The following ST14 variants were observed in gnomAD, a reference collection of about 807,000 sequenced individuals.
ST14 encodes the protein ST14 transmembrane serine protease matriptase, also known as suppressor of tumorigenicity 14 protein.
Under a neutral mutation model 96.5 loss-of-function variants are expected in ST14, and 40 were observed. That is an observed-to-expected ratio of 0.41 (90% confidence interval 0.32 to 0.54). The LOEUF (loss-of-function observed/expected upper bound fraction) is 0.54, where lower values mean the gene tolerates loss of function less well. Ranked by LOEUF, ST14 falls within the 20% of genes least tolerant of loss-of-function variation. ST14 has a pLI of 0.17. For missense variants in ST14, 1,066 were observed against 1,188.9 expected (o/e 0.90, Z 1.52); for synonymous variants, 506 against 492.1 (o/e 1.03, Z -0.37).
chr11:130,172,633 G>T (rs1288016421), intron 1 of ST14, among the ~76,000 whole-genome samples: 2 of 151,524 alleles, frequency 1.3e-5, no homozygotes, highest in African/African-American at 4.9e-5. Context: ...TAGCCAGGAT[G>T]GTCTTGATCT....
At chr11:130,206,535 CTCTT>C (rs939786729) in intron 16 of ST14, among the ~76,000 whole-genome samples, 32 of 151,678 alleles carry the variant, frequency 2.1e-4, no homozygotes, top group Middle Eastern at 3.4e-3. Context: ...GGGCTGCTCA[CTCTT>C]TCTTTCTTTC....
At chr11:130,201,546 G>A (rs1163948788) in intron 16 of ST14, among the ~76,000 whole-genome samples, 1 of 152,246 alleles carries the variant, frequency 6.6e-6, no homozygotes, top group Admixed American at 6.5e-5. Context: ...CCAGTTCCAT[G>A]GTCCCCAGCT....
At chr11:130,189,087 C>A (rs76324020) in intron 4 of ST14, 148 bp downstream of exon 4, 1 of 856,870 alleles carries the variant, frequency 1.2e-6, no homozygotes, top group Non-Finnish European at 1.9e-6. Context: ...TCCTCCTGTG[C>A]GTTACTTGGC....
intron 1 of ST14, among the ~76,000 whole-genome samples, chr11:130,183,894 AG>A (rs1953215619): frequency 1.3e-5 from 2 of 152,354 alleles, no homozygotes; most frequent in East Asian, 3.9e-4. Context: ...GTCCATCAAT[AG>A]GTGAACAGGT....
intron 7 of ST14, 31 bp from the exon 8 acceptor site, chr11:130,194,118 T>G: frequency 6.2e-7 from 1 of 1,614,158 alleles, no homozygotes; most frequent in Non-Finnish European, 8.5e-7. Flanking sequence ...TTCTGTCTGC[T>G]CTTCCTAATG....
At position 130,208,673 on chromosome 11, in the gene ST14, C is replaced by T. The variant is rs746546035; in HGVS notation, c.2258C>T (p.Thr753Ile). 2 of 1,613,426 alleles carry T rather than the reference C, an allele frequency of 1.2e-6. No homozygotes were observed. The highest frequency in any genetic ancestry group is 1.7e-6 in the Non-Finnish European group (2 of 1,179,678). Residue 753 changes from threonine (T) to isoleucine (I), a missense_variant, in exon 17 of 19, where the codon ACC (threonine) becomes ATC (isoleucine). Transcript: ENST00000278742. ...ATCTGGGTCACGGGCTGGGGACACA[C>T]CCAGTATGGAGGTAAGCTTCGGGCT... Reference protein sequence around the residue: ...KAIWVTGWGHTQYGGTGALIL... With the variant: ...KAIWVTGWGHIQYGGTGALIL...
chr11:130,196,577 G>A lies in ST14; in HGVS notation c.1231G>A (p.Gly411Arg), dbSNP rs761789364. Residue 411 changes from glycine to arginine, a missense_variant, in exon 11 of 19, where the codon GGA becomes AGA. Gly to Arg is a moderately radical substitution (Grantham distance 125). Transcript: ENST00000278742. ...GCCCCGCCCCCCCTCCAGATACTGC[G>A]GAGAGAGGTCCCAGTTCGTCGTCAC... ...YVEINGEKYC[G>R]ERSQFVVTSN... The A allele has an allele frequency of 6.3e-6, 10 of 1,593,876 alleles. No homozygotes were observed. The highest frequency in any genetic ancestry group is 2.2e-5 in the South Asian group (2 of 90,560).
intron 12 of ST14, among the ~76,000 whole-genome samples, 170 bp from the exon 13 acceptor site, chr11:130,198,138 T>C (rs1330648987): frequency 6.6e-6 from 1 of 151,636 alleles, no homozygotes; most frequent in African/African-American, 2.4e-5. Context: ...GGGCAGGTGG[T>C]GGGGTATCTC....
chr11:130,193,029 G>C (rs953520413), intron 7 of ST14, among the ~76,000 whole-genome samples: 2 of 151,976 alleles, frequency 1.3e-5, no homozygotes, highest in Non-Finnish European at 2.9e-5. Context: ...AGGGGTAATA[G>C]TATCTACTTC....
rs191404689 is a variant in ST14, at chr11:130,189,848, C to T, written c.550C>T (p.Arg184Trp). The T allele has an allele frequency of 2.0e-4, 321 of 1,613,880 alleles. 1 individual carries two copies. The East Asian group carries it at 5.0e-3, about 25-fold the overall frequency. Residue 184 changes from arginine (R) to tryptophan (W), a missense_variant, in exon 5 of 19, where the codon CGG becomes TGG. Transcript: ENST00000278742. ...AEERVVMLPP[R>W]ARSLKSFVVT... ...GGAGCGCGTAGTCATGCTGCCCCCG[C>T]GGGCGCGCTCCCTGAAGTCCTTTGT...
intron 16 of ST14, among the ~76,000 whole-genome samples, chr11:130,204,701 A>T (rs916332390): frequency 6.6e-6 from 1 of 151,186 alleles, no homozygotes; most frequent in African/African-American, 2.4e-5. Context: ...ACTCCCAGCT[A>T]CTTGGGGGCG....
intron 16 of ST14, among the ~76,000 whole-genome samples, chr11:130,201,938 T>A (rs1953433068): frequency 6.6e-6 from 1 of 152,220 alleles, no homozygotes; most frequent in Admixed American, 6.5e-5. Flanking sequence ...TCTTTCCTTT[T>A]TTGAGCCATG....
At chr11:130,209,247 T>C (rs1431477248) in intron 17 of ST14, among the ~76,000 whole-genome samples, 195 bp from the exon 18 acceptor site, 6 of 152,112 alleles carry the variant, frequency 3.9e-5, no homozygotes, top group Non-Finnish European at 8.8e-5. Context: ...GCCTGGCAGA[T>C]CTCAGCATGC....
intron 1 of ST14, among the ~76,000 whole-genome samples, chr11:130,167,585 C>G (rs1025043197): frequency 2.0e-5 from 3 of 152,152 alleles, no homozygotes; most frequent in Non-Finnish European, 2.9e-5. Flanking sequence ...ATACCTCATG[C>G]TAGATTTGTG....
intron 16 of ST14, among the ~76,000 whole-genome samples, chr11:130,201,909 C>A (rs977650447): frequency 5.3e-5 from 8 of 152,240 alleles, no homozygotes; most frequent in South Asian, 4.1e-4. Context: ...GGCTTTTGTG[C>A]CTCTTTGATA....
At chr11:130,175,177 T>TA in intron 1 of ST14, among the ~76,000 whole-genome samples, 1 of 152,202 alleles carries the variant, frequency 6.6e-6, no homozygotes, top group Non-Finnish European at 1.5e-5. Context: ...TGGATTCGTT[T>TA]GTCCTTGTGT....
chr11:130,173,468 C>T (rs919785299), intron 1 of ST14, among the ~76,000 whole-genome samples: 7 of 151,956 alleles, frequency 4.6e-5, no homozygotes, highest in East Asian at 1.9e-4. Flanking sequence ...TGGTGGCGGG[C>T]GCCTGTAGTC....
intron 8 of ST14, 24 bp from the exon 9 acceptor site, chr11:130,194,616 G>A (rs538264839): frequency 1.2e-6 from 2 of 1,613,112 alleles, no homozygotes; most frequent in East Asian, 4.5e-5. Context: ...TGATCCTCTT[G>A]CTTTCTCCCA....
At chr11:130,201,658 C>CA (rs1953429804) in intron 16 of ST14, among the ~76,000 whole-genome samples, 2 of 152,290 alleles carry the variant, frequency 1.3e-5, no homozygotes, top group African/African-American at 4.8e-5. Context: ...TAGCTTGCTA[C>CA]AGTCTTGAAC....
Sources: allele counts gnomAD v4.1 joint callset (sites outside exome capture counted in the v4.1 genomes callset), GRCh38; gene constraint gnomAD v4.1.1; transcripts MANE v1.5; gene names NCBI Gene and HGNC (gene_info 2026-07-23, HGNC 2026-07-21).